ECPAS: variants seen among roughly 807,000 people sequenced by gnomAD.
ECPAS encodes proteasome adapter and scaffold protein ECM29.
Under a neutral mutation model 255.1 loss-of-function variants are expected in ECPAS, and 70 were observed. That is an observed-to-expected ratio of 0.27 (90% CI 0.23 to 0.33). ECPAS has a LOEUF of 0.33. ECPAS is among the 10% of genes least tolerant of loss of function. ECPAS has a pLI of 1.00. For missense variants in ECPAS, 1,817 were observed against 2,206.4 expected (o/e 0.82, Z 3.54); for synonymous variants, 784 against 775.0 (o/e 1.01, Z -0.19).
At chr9:111,397,330 G>T (rs2098169075) in intron 24 of ECPAS, among the ~76,000 whole-genome samples, 177 bp from the exon 25 acceptor site, 1 of 152,178 alleles carries the variant, frequency 6.6e-6, no homozygotes, top group South Asian at 2.1e-4. Flanking sequence ...GGGAGTGGAG[G>T]ATATAAGAAT....
intron 1 of ECPAS, chr9:111,483,868 G>T (rs961199476): frequency 3.1e-5 from 14 of 446,038 alleles, no homozygotes; most frequent in South Asian, 1.7e-4. Flanking sequence ...CGCCGCGCTC[G>T]CCCAACTCAC....
intron 16 of ECPAS, among the ~76,000 whole-genome samples, chr9:111,419,261 T>C (rs1280858755): frequency 6.6e-6 from 1 of 152,082 alleles, no homozygotes; most frequent in Non-Finnish European, 1.5e-5. Context: ...AGGCTATCCC[T>C]GATAACAAAA....
Position 111,422,002 on chromosome 9 carries a change from A to G in ECPAS, c.1374T>C (p.Ser458=). ...AAGTACTATACGCTCCAACCATCAT[A>G]GATAAAGCTTCTTGAATAGCAAGTC... ...ETRLAIQEAL[S]MMVGAYSTLE... is the part of the protein sequence containing the mutation. Residue 458 remains serine, a synonymous_variant, in exon 15 of 50, where the codon TCT becomes TCC. Transcript: ENST00000684092. 1 of 1,613,770 alleles carries G rather than the reference A, an allele frequency of 6.2e-7. No individual in the cohort carries two copies. The highest frequency in any genetic ancestry group is 8.5e-7 in the Non-Finnish European group (1 of 1,179,804).
chr9:111,483,952 C>A, intron 1 of ECPAS, 164 bp downstream of exon 1: 8 of 963,524 alleles, frequency 8.3e-6, no homozygotes, highest in Non-Finnish European at 9.9e-6. Context: ...CGCGCCCGCC[C>A]GCCCTCGCTC....
At chr9:111,440,937 G>T (rs1327601255) in intron 5 of ECPAS, among the ~76,000 whole-genome samples, 1 of 152,134 alleles carries the variant, frequency 6.6e-6, no homozygotes, top group Non-Finnish European at 1.5e-5. Flanking sequence ...GGCCGAGGCG[G>T]GCAGATGACG....
chr9:111,412,992 A>T (rs2098197102), intron 20 of ECPAS, among the ~76,000 whole-genome samples: 1 of 152,232 alleles, frequency 6.6e-6, no homozygotes, highest in Non-Finnish European at 1.5e-5. Flanking sequence ...CTGAAATTCA[A>T]ATTTAACTGA....
At chr9:111,411,817 T>A (rs2098194946) in intron 21 of ECPAS, 197 bp downstream of exon 21, 2 of 487,716 alleles carry the variant, frequency 4.1e-6, no homozygotes, top group Non-Finnish European at 7.1e-6. Flanking sequence ...AAACAGTGCT[T>A]ATCAGACACA....
At chr9:111,385,586 G>A in intron 32 of ECPAS, 144 bp from the exon 33 acceptor site, 2 of 628,902 alleles carry the variant, frequency 3.2e-6, no homozygotes, top group Non-Finnish European at 5.6e-6. Context: ...CTTCTCTCCA[G>A]GTCCCTCAAA....
chr9:111,381,250 C>T (rs2098140214), intron 35 of ECPAS, among the ~76,000 whole-genome samples: 1 of 151,996 alleles, frequency 6.6e-6, no homozygotes, highest in Admixed American at 6.6e-5. Context: ...AGCCTAATTC[C>T]AATATTGTTG....
intron 10 of ECPAS, among the ~76,000 whole-genome samples, chr9:111,426,129 TTAA>T (rs1165138553): frequency 2.0e-5 from 3 of 152,202 alleles, no homozygotes; most frequent in African/African-American, 7.2e-5. Context: ...CCTATGTTTC[TTAA>T]TTATATGATT....
chr9:111,418,691 T>C (rs148370932), intron 16 of ECPAS, among the ~76,000 whole-genome samples: 51 of 152,372 alleles, frequency 3.3e-4, no homozygotes, highest in Non-Finnish European at 6.9e-4. Flanking sequence ...GAATTAGTTA[T>C]GCTTTGTTTT....
chr9:111,378,121 G>A (rs1285990023), intron 36 of ECPAS, among the ~76,000 whole-genome samples: 1 of 151,880 alleles, frequency 6.6e-6, no homozygotes, highest in Non-Finnish European at 1.5e-5. Context: ...ACTCCAGCCT[G>A]GGTGACAGAG....
chr9:111,483,013 T>C (rs1447551792), intron 1 of ECPAS, among the ~76,000 whole-genome samples: 3 of 152,312 alleles, frequency 2.0e-5, no homozygotes, highest in African/African-American at 7.2e-5. Context: ...CATCTGAGGG[T>C]CACCGCCTAT....
chr9:111,363,676 T>C lies in ECPAS; in HGVS notation c.5309-17A>G, dbSNP rs371204740. ...TCTTATTTTCTAAAAAGAAATATCA[T>C]ACAGTTCATATGGCCTGCCTGAAAA... On this transcript the variant is annotated splice_polypyrimidine_tract_variant and intron_variant, in intron 48 of 49. Coordinates refer to ENST00000684092, the MANE Select transcript of ECPAS (RefSeq NM_001364929.1). 5.6e-6 allele frequency: 7 copies of C among 1,246,202 alleles called. No homozygotes were observed. The highest frequency in any genetic ancestry group is 4.7e-5 in the African/African-American group (3 of 64,116). 77.2% of individuals were successfully genotyped at this position (1,246,202 alleles called of 1,614,324 possible).
At chr9:111,477,465 C>T (rs2098297810) in intron 1 of ECPAS, among the ~76,000 whole-genome samples, 1 of 152,032 alleles carries the variant, frequency 6.6e-6, no homozygotes, top group Admixed American at 6.6e-5. Flanking sequence ...CTGCGCCTGG[C>T]CCCGATTGCC....
At chr9:111,466,297 T>G (rs2098279469) in intron 2 of ECPAS, among the ~76,000 whole-genome samples, 2 of 151,686 alleles carry the variant, frequency 1.3e-5, no homozygotes, top group Non-Finnish European at 2.9e-5. Flanking sequence ...ATACAAAAAT[T>G]AGCTGGGCAT....
rs565366213 is a variant in ECPAS, at chr9:111,418,141, A to G, written c.1560-135T>C. ...GTCTTAAATACATTCTTGGCTATCT[A>G]AGCAGAGTCAACATAACACATTATA... is the stretch of plus-strand genomic sequence containing the variant. On this transcript the variant is annotated intron_variant, in intron 16 of 49. Transcript: ENST00000684092. 3 of 763,636 alleles carry G rather than the reference A, an allele frequency of 3.9e-6. No homozygotes were observed. The East Asian group carries it at 8.6e-5, about 22-fold the overall frequency. 47.3% of individuals were successfully genotyped at this position (763,636 alleles called of 1,614,324 possible).
intron 3 of ECPAS, among the ~76,000 whole-genome samples, chr9:111,450,979 T>A (rs2098259527): frequency 6.6e-6 from 1 of 152,184 alleles, no homozygotes; most frequent in East Asian, 1.9e-4. Context: ...ATCCAACTTT[T>A]TGTAAGAGTA....
intron 20 of ECPAS, 99 bp downstream of exon 20, chr9:111,413,796 C>T (rs2098198689): frequency 7.9e-6 from 5 of 632,338 alleles, no homozygotes; most frequent in Non-Finnish European, 1.3e-5. Context: ...GACCTAAAGG[C>T]AGAAAAGGTC....
Sources: allele counts gnomAD v4.1 joint callset (sites outside exome capture counted in the v4.1 genomes callset), GRCh38; gene constraint gnomAD v4.1.1; transcripts MANE v1.5; gene names NCBI Gene and HGNC (gene_info 2026-07-23, HGNC 2026-07-21).